Variants in REDIC1 observed in about 807,000 individuals in gnomAD.
REDIC1 encodes HEI10 Interacting Protein 1.
the REDIC1 span, among the ~76,000 whole-genome samples, chr12:39,860,220 G>A: frequency 1.3e-5 from 2 of 152,218 alleles, no homozygotes; most frequent in East Asian, 1.9e-4. Context: ...AGGAAACTAA[G>A]TAAGATGTAA....
At chr12:39,787,062 C>T in the REDIC1 span, among the ~76,000 whole-genome samples, 43 of 152,126 alleles carry the variant, frequency 2.8e-4, no homozygotes, top group Non-Finnish European at 4.0e-4. Context: ...CTAGATGTTA[C>T]GGTAAACCTC....
the REDIC1 span, chr12:39,720,890 C>A: frequency 6.2e-7 from 1 of 1,613,274 alleles, no homozygotes; most frequent in Admixed American, 1.7e-5. Context: ...GAAAGGATGG[C>A]AAAACTTTCA....
At chr12:39,747,329 A>T in the REDIC1 span, among the ~76,000 whole-genome samples, 1 of 152,238 alleles carries the variant, frequency 6.6e-6, no homozygotes, top group Non-Finnish European at 1.5e-5. Context: ...GGTATCAGTG[A>T]TTGAAGATCA....
the REDIC1 span, among the ~76,000 whole-genome samples, chr12:39,877,084 T>C: frequency 6.6e-6 from 1 of 152,194 alleles, no homozygotes; most frequent in African/African-American, 2.4e-5. Flanking sequence ...AGAGGTTCTT[T>C]TAACTAAAAA....
At chr12:39,709,849 T>C in the REDIC1 span, among the ~76,000 whole-genome samples, 2 of 151,888 alleles carry the variant, frequency 1.3e-5, no homozygotes, top group Non-Finnish European at 2.9e-5. Flanking sequence ...ACAAGTTATA[T>C]TGCTGGATTA....
the REDIC1 span, among the ~76,000 whole-genome samples, chr12:39,701,465 C>T: frequency 0.74 from 111,881 of 151,968 alleles, 42,603 homozygotes; most frequent in Non-Finnish European, 0.84. Flanking sequence ...TACAAAGAGA[C>T]GTAGACTCCC....
the REDIC1 span, chr12:39,643,642 T>G: frequency 1.6e-6 from 1 of 641,326 alleles, no homozygotes; most frequent in East Asian, 3.1e-5. Context: ...TGTAATGTAT[T>G]TATAAACATA....
chr12:39,773,317 T>C, the REDIC1 span, among the ~76,000 whole-genome samples: 1 of 152,100 alleles, frequency 6.6e-6, no homozygotes, highest in Non-Finnish European at 1.5e-5. Context: ...AGAGAACTAA[T>C]CCTTACCAGC....
chr12:39,729,635 G>A, the REDIC1 span, among the ~76,000 whole-genome samples: 1 of 152,214 alleles, frequency 6.6e-6, no homozygotes, highest in Non-Finnish European at 1.5e-5. Context: ...TGTATATTCT[G>A]TTGATTTGGG....
the REDIC1 span, among the ~76,000 whole-genome samples, chr12:39,833,375 C>T: frequency 6.6e-6 from 1 of 151,976 alleles, no homozygotes; most frequent in South Asian, 2.1e-4. Context: ...TTCCTTACTC[C>T]AAGAACAACT....
chr12:39,711,827 GTGTATA>G, the REDIC1 span, among the ~76,000 whole-genome samples: 1 of 39,430 alleles, frequency 2.5e-5, no homozygotes, highest in East Asian at 5.7e-4. Flanking sequence ...ACACATGCAT[GTGTATA>G]TGTGTGTATA....
chr12:39,712,032 G>GTATATATACCTACCTGTATT, the REDIC1 span, among the ~76,000 whole-genome samples: 1 of 140,608 alleles, frequency 7.1e-6, no homozygotes, highest in Non-Finnish European at 1.6e-5. Flanking sequence ...ATATATACAT[G>GTATATATACCTACCTGTATT]TATATATACC....
At chr12:39,753,375 G>C in the REDIC1 span, among the ~76,000 whole-genome samples, 2 of 147,738 alleles carry the variant, frequency 1.4e-5, no homozygotes, top group Non-Finnish European at 2.9e-5. Context: ...CTTTAAATGA[G>C]AGATTACTGA....
chr12:39,711,060 C>G, the REDIC1 span, among the ~76,000 whole-genome samples: 459 of 151,498 alleles, frequency 3.0e-3, 3 homozygotes, highest in Non-Finnish European at 5.3e-3. Flanking sequence ...CTCTTCCCCC[C>G]AAGTTCCCAA....
chr12:39,698,330 A>G, the REDIC1 span, among the ~76,000 whole-genome samples: 1 of 152,220 alleles, frequency 6.6e-6, no homozygotes, highest in Non-Finnish European at 1.5e-5. Flanking sequence ...ACACTGAAGC[A>G]CCCAGATACA....
At chr12:39,749,059 TAACTA>T in the REDIC1 span, among the ~76,000 whole-genome samples, 2 of 151,600 alleles carry the variant, frequency 1.3e-5, no homozygotes, top group Non-Finnish European at 2.9e-5. Context: ...AGGCAAGAAA[TAACTA>T]AGATCAGAGA....
the REDIC1 span, among the ~76,000 whole-genome samples, chr12:39,699,979 A>C: frequency 3.3e-5 from 5 of 151,968 alleles, no homozygotes; most frequent in African/African-American, 1.2e-4. Flanking sequence ...TAAAACCACA[A>C]AGATGGGGAA....
the REDIC1 span, among the ~76,000 whole-genome samples, chr12:39,663,264 T>C: frequency 1.3e-5 from 2 of 152,018 alleles, no homozygotes; most frequent in Non-Finnish European, 2.9e-5. Flanking sequence ...TCTAATAGTA[T>C]TTGCTTTATG....
At chr12:39,639,284 G>A in the REDIC1 span, among the ~76,000 whole-genome samples, 2 of 151,936 alleles carry the variant, frequency 1.3e-5, no homozygotes, top group African/African-American at 4.8e-5. Context: ...TTTGCTCAAT[G>A]AGTTCAAATA....
Sources: gnomAD v4.1 joint callset for allele counts (sites outside exome capture counted in the v4.1 genomes callset) on GRCh38, gnomAD v4.1.1 for gene constraint, MANE v1.5 for transcripts, NCBI Gene and HGNC (gene_info 2026-07-23, HGNC 2026-07-21) for gene names.